The following ARMH4 variants were observed in gnomAD, a reference collection of about 807,000 sequenced individuals.
ARMH4 encodes armadillo-like helical domain-containing protein 4.
In ARMH4, 49 loss-of-function variants were observed where a neutral mutation model predicts 61.9. The ratio of observed to expected loss-of-function variants is 0.79; its 90% CI spans 0.63 to 1.00. ARMH4 has a LOEUF of 1.00. Ranked by LOEUF, ARMH4 falls within the 50% of genes least tolerant of loss-of-function variation. The pLI, the probability that ARMH4 is intolerant of heterozygous loss-of-function variation, is 0.00. For synonymous variants in ARMH4, 368 were observed against 341.5 expected (o/e 1.08, Z -0.85); for missense variants, 934 against 930.0 (o/e 1.00, Z -0.06).
At chr14:58,006,758 C>G (rs927486693) in intron 6 of ARMH4, among the ~76,000 whole-genome samples, 7 of 123,644 alleles carry the variant, frequency 5.7e-5, no homozygotes, top group Non-Finnish European at 8.3e-5. Flanking sequence ...CGGGCCCTGT[C>G]GTGGGGTGAG....
chr14:58,114,868 C>T (rs960160549), intron 4 of ARMH4, among the ~76,000 whole-genome samples: 9 of 152,106 alleles, frequency 5.9e-5, no homozygotes, highest in African/African-American at 2.2e-4. Context: ...ATAAATGATG[C>T]TGGGATAGCT....
At chr14:58,032,805 A>C (rs994042243) in intron 5 of ARMH4, among the ~76,000 whole-genome samples, 11 of 152,258 alleles carry the variant, frequency 7.2e-5, no homozygotes, top group African/African-American at 2.6e-4. Context: ...GCACCTGGAA[A>C]ATCAGGTCAC....
At chr14:58,116,464 C>T (rs1317179273) in intron 4 of ARMH4, 1 of 326,640 alleles carries the variant, frequency 3.1e-6, no homozygotes, top group South Asian at 2.4e-5. Context: ...TTCTTAAGCC[C>T]AGGAGTTTGA....
At chr14:58,024,680 T>G (rs749776808) in intron 5 of ARMH4, among the ~76,000 whole-genome samples, 1 of 152,188 alleles carries the variant, frequency 6.6e-6, no homozygotes, top group Non-Finnish European at 1.5e-5. Flanking sequence ...CCCACTAAGC[T>G]TAACATTTAT....
rs1048527414 is a variant in ARMH4, at chr14:58,002,587, A to G, written c.*2149T>C. On this transcript the variant is annotated 3_prime_UTR_variant, in exon 8 of 8. Transcript: ENST00000267485. Reference sequence around the variant, plus strand: ...GCAATAATGGCCACTAGTATCACCCATGTGCTACTCAGTTAAGTGGCCTAC... The same window carrying G: ...GCAATAATGGCCACTAGTATCACCCGTGTGCTACTCAGTTAAGTGGCCTAC... The G allele has an allele frequency of 2.6e-5, 4 of 152,238 alleles. No homozygotes were observed. Among genetic ancestry groups the G allele is most frequent in the Non-Finnish European group, 4.4e-5 (3 of 68,042 alleles). 9.4% of individuals were successfully genotyped at this position (152,238 alleles called of 1,614,324 possible). A position where few individuals can be genotyped will look rare whatever the true frequency, so the allele number is the denominator to read the frequency against.
intron 4 of ARMH4, among the ~76,000 whole-genome samples, chr14:58,100,003 T>C (rs1885903315): frequency 6.6e-6 from 1 of 152,208 alleles, no homozygotes; most frequent in Non-Finnish European, 1.5e-5. Flanking sequence ...TGGTGCATAC[T>C]GGACAGGTTG....
At chr14:58,139,806 A>C (rs1413625286) in intron 1 of ARMH4, among the ~76,000 whole-genome samples, 1 of 152,254 alleles carries the variant, frequency 6.6e-6, no homozygotes, top group Non-Finnish European at 1.5e-5. Flanking sequence ...AGTCTTACAC[A>C]TTCATTCAAA....
intron 6 of ARMH4, among the ~76,000 whole-genome samples, chr14:58,007,469 C>T (rs971665812): frequency 6.6e-6 from 1 of 152,168 alleles, no homozygotes; most frequent in East Asian, 1.9e-4. Context: ...GTAGATTTCA[C>T]AAAAACTCAG....
intron 5 of ARMH4, among the ~76,000 whole-genome samples, chr14:58,085,637 T>C (rs749475753): frequency 3.9e-5 from 6 of 152,186 alleles, no homozygotes; most frequent in African/African-American, 1.4e-4. Flanking sequence ...TTTCCAATTC[T>C]CTAATTCAAT....
At chr14:58,014,575 G>T (rs544212698) in intron 5 of ARMH4, among the ~76,000 whole-genome samples, 1 of 152,206 alleles carries the variant, frequency 6.6e-6, no homozygotes, top group East Asian at 1.9e-4. Flanking sequence ...AGTAAAATAC[G>T]AGTATTTTGT....
intron 1 of ARMH4, among the ~76,000 whole-genome samples, chr14:58,139,834 C>T (rs1487736085): frequency 6.6e-6 from 1 of 152,132 alleles, no homozygotes; most frequent in Non-Finnish European, 1.5e-5. Flanking sequence ...TTAAGTGTTG[C>T]CACAGTCTGA....
rs150386521 is a variant in ARMH4, at chr14:58,100,717, C to A, written c.1832-3736G>T. Among the ~76,000 whole-genome samples, 473 of 152,222 alleles carry A rather than the reference C, an allele frequency of 3.1e-3. 4 individuals carry two copies. The highest frequency in any genetic ancestry group is 0.011 in the African/African-American group (456 of 41,536). ...TTTTCTCCTCCTCTTGGGGGTGGAT[C>A]CGAAAGGAGTGGCACCCCTTCCTTC... On this transcript the variant is annotated intron_variant, in intron 4 of 7. Coordinates refer to ENST00000267485, the MANE Select transcript of ARMH4 (RefSeq NM_001001872.4).
chr14:58,128,892 T>C (rs918945507), intron 4 of ARMH4, among the ~76,000 whole-genome samples: 1 of 152,150 alleles, frequency 6.6e-6, no homozygotes, highest in Non-Finnish European at 1.5e-5. Flanking sequence ...ATGAGGTCAT[T>C]AGGATGGGCC....
intron 6 of ARMH4, among the ~76,000 whole-genome samples, chr14:58,010,335 A>G (rs1037387907): frequency 1.3e-5 from 2 of 152,190 alleles, no homozygotes; most frequent in African/African-American, 4.8e-5. Context: ...TTGTTAAACG[A>G]AGATATATGT....
At chr14:58,108,052 T>A (rs1006961404) in intron 4 of ARMH4, among the ~76,000 whole-genome samples, 1 of 152,150 alleles carries the variant, frequency 6.6e-6, no homozygotes, top group Non-Finnish European at 1.5e-5. Flanking sequence ...ATTTCCAGAT[T>A]TTTTTTACCT....
In ARMH4 at chr14:58,057,570, C is replaced by G. The variant is rs78293392; in HGVS notation, c.2089+39154G>C. The stretch of plus-strand genomic sequence containing the variant: ...TTCCAAAGGGTGTGTGTGTGTGTGT[C>G]TGTGTGTGTGTGTGTGTGTATTTTG... On this transcript the variant is annotated intron_variant, in intron 5 of 7. Transcript: ENST00000267485. Among the ~76,000 whole-genome samples, 6 of 149,382 alleles carry G rather than the reference C, an allele frequency of 4.0e-5. No homozygotes were observed. The South Asian group carries it at 6.3e-4, about 16-fold the overall frequency.
intron 5 of ARMH4, among the ~76,000 whole-genome samples, chr14:58,020,621 G>A (rs1882789813): frequency 6.6e-6 from 1 of 152,052 alleles, no homozygotes; most frequent in African/African-American, 2.4e-5. Flanking sequence ...GACTCTCTTT[G>A]TATATGTCTT....
At chr14:58,143,765 CTTTT>C (rs201034964) in intron 1 of ARMH4, among the ~76,000 whole-genome samples, 1 of 120,108 alleles carries the variant, frequency 8.3e-6, no homozygotes, top group African/African-American at 4.0e-5. Context: ...TGCCCATCCT[CTTTT>C]TTTTTTTTTT....
chr14:58,057,868 A>G (rs1323699562), intron 5 of ARMH4, among the ~76,000 whole-genome samples: 3 of 152,178 alleles, frequency 2.0e-5, no homozygotes, highest in Non-Finnish European at 2.9e-5. Flanking sequence ...TCAAATCAAC[A>G]AGAGAGAGGA....
Sources: gnomAD v4.1 joint callset for allele counts (sites outside exome capture counted in the v4.1 genomes callset) on GRCh38, gnomAD v4.1.1 for gene constraint, MANE v1.5 for transcripts, NCBI Gene and HGNC (gene_info 2026-07-23, HGNC 2026-07-21) for gene names.